The following NPAS3 variants were observed in gnomAD, a reference collection of about 807,000 sequenced individuals.
NPAS3 encodes neuronal PAS domain protein 3.
In NPAS3, 14 loss-of-function variants were observed where a neutral mutation model predicts 73.1. The observed-to-expected ratio is 0.19, with a 90% CI of 0.13 to 0.30. NPAS3 has a LOEUF of 0.30. NPAS3 is among the 10% of genes least tolerant of loss of function. The pLI, the probability that NPAS3 is intolerant of heterozygous loss-of-function variation, is 1.00. For synonymous variants in NPAS3, 620 were observed against 541.5 expected, an observed-to-expected ratio of 1.14 and a Z score of -2.01; for missense variants, 1,096 against 1,250.0, an observed-to-expected ratio of 0.88 and a Z score of 1.86.
chr14:33,362,010 T>C (rs1426802395), intron 3 of NPAS3, among the ~76,000 whole-genome samples: 1 of 152,214 alleles, frequency 6.6e-6, no homozygotes, highest in Non-Finnish European at 1.5e-5. Context: ...TTCATATATA[T>C]ATTTCATGTA....
chr14:33,012,730 A>G (rs1216369029), intron 1 of NPAS3, among the ~76,000 whole-genome samples: 1 of 152,034 alleles, frequency 6.6e-6, no homozygotes, highest in African/African-American at 2.4e-5. Context: ...TTGTATTTTT[A>G]GTAGAGACGG....
intron 3 of NPAS3, among the ~76,000 whole-genome samples, chr14:33,281,891 A>G (rs984118275): frequency 6.6e-6 from 1 of 152,232 alleles, no homozygotes; most frequent in Non-Finnish European, 1.5e-5. Flanking sequence ...TACAGAATAT[A>G]TGAACAAGAG....
chr14:33,465,945 AAC>A (rs1361827126), intron 4 of NPAS3, among the ~76,000 whole-genome samples: 32 of 152,298 alleles, frequency 2.1e-4, no homozygotes, highest in African/African-American at 7.2e-4. Flanking sequence ...TAAGCAAATT[AAC>A]AGTTTTGAGA....
At chr14:33,573,478 A>C (rs1229003778) in intron 5 of NPAS3, among the ~76,000 whole-genome samples, 1 of 152,238 alleles carries the variant, frequency 6.6e-6, no homozygotes, top group Non-Finnish European at 1.5e-5. Flanking sequence ...TAGAATGTGG[A>C]TGACTAACTC....
chr14:33,172,087 A>C lies in NPAS3; in HGVS notation c.141-43095A>C, dbSNP rs117166791. Among the ~76,000 whole-genome samples, 1,067 of 152,302 alleles carry C rather than the reference A, an allele frequency of 7.0e-3. 4 individuals carry two copies. Among genetic ancestry groups the C allele is most frequent in the Non-Finnish European group, 0.011 (781 of 68,022 alleles). ...TTGTGTACCCCCAAACAAATGTAAC[A>C]GTGACATCAAAGATCACTGATCACC... On this transcript the variant is annotated intron_variant, in intron 2 of 11. Coordinates refer to ENST00000356141, the Ensembl canonical transcript of NPAS3.
At chr14:33,156,196 C>T (rs1371197991) in intron 2 of NPAS3, among the ~76,000 whole-genome samples, 3 of 152,148 alleles carry the variant, frequency 2.0e-5, no homozygotes, top group African/African-American at 4.8e-5. Context: ...CAAATGAATA[C>T]TCCTTTATTT....
intron 2 of NPAS3, among the ~76,000 whole-genome samples, chr14:33,108,971 T>C (rs1345827770): frequency 2.0e-5 from 3 of 152,234 alleles, no homozygotes; most frequent in Non-Finnish European, 4.4e-5. Flanking sequence ...AAACTTATAC[T>C]GTTTTTTATG....
chr14:33,745,828 A>C (rs1013246435), intron 7 of NPAS3, among the ~76,000 whole-genome samples: 3 of 152,262 alleles, frequency 2.0e-5, no homozygotes, highest in African/African-American at 7.2e-5. Flanking sequence ...TAAGGGACAA[A>C]ATATGACTGA....
intron 2 of NPAS3, among the ~76,000 whole-genome samples, chr14:33,164,159 C>G (rs1044839504): frequency 3.9e-5 from 6 of 152,176 alleles, no homozygotes; most frequent in African/African-American, 1.4e-4. Flanking sequence ...TCTTTTAAAG[C>G]AGACAATCTT....
chr14:33,448,085 G>A (rs1161130240), intron 4 of NPAS3, among the ~76,000 whole-genome samples: 1 of 152,144 alleles, frequency 6.6e-6, no homozygotes, highest in Non-Finnish European at 1.5e-5. Context: ...TGTAGGAGGA[G>A]GGATGGAGAA....
chr14:33,598,440 T>G (rs1045903048), intron 5 of NPAS3, among the ~76,000 whole-genome samples: 2 of 152,230 alleles, frequency 1.3e-5, no homozygotes, highest in African/African-American at 4.8e-5. Flanking sequence ...ATCATTCTAT[T>G]TTCATCTGAT....
At chr14:33,724,354 C>T (rs1487729198) in intron 6 of NPAS3, among the ~76,000 whole-genome samples, 1 of 152,098 alleles carries the variant, frequency 6.6e-6, no homozygotes. Flanking sequence ...ATGCCAATTG[C>T]CAGGTGCAGC....
intron 2 of NPAS3, among the ~76,000 whole-genome samples, chr14:33,171,097 G>C (rs887179021): frequency 2.6e-5 from 4 of 152,212 alleles, no homozygotes; most frequent in Admixed American, 2.0e-4. Flanking sequence ...CAGAATGGAT[G>C]CTGTGTTAGC....
chr14:33,668,178 A>G (rs2059508581), intron 5 of NPAS3, among the ~76,000 whole-genome samples: 1 of 152,124 alleles, frequency 6.6e-6, no homozygotes, highest in Non-Finnish European at 1.5e-5. Context: ...TCTTTGTTAA[A>G]TCTTTCTGGT....
At chr14:32,949,486 T>G (rs1040962169) in intron 1 of NPAS3, among the ~76,000 whole-genome samples, 1 of 152,184 alleles carries the variant, frequency 6.6e-6, no homozygotes, top group African/African-American at 2.4e-5. Context: ...AATGAAATAC[T>G]TATTGCTCTG....
At chr14:33,150,406 A>G (rs2044404239) in intron 2 of NPAS3, among the ~76,000 whole-genome samples, 1 of 152,228 alleles carries the variant, frequency 6.6e-6, no homozygotes, top group Non-Finnish European at 1.5e-5. Flanking sequence ...GTGCATCAGC[A>G]ATAAATTGGT....
intron 7 of NPAS3, among the ~76,000 whole-genome samples, chr14:33,761,761 G>A (rs759508592): frequency 6.6e-6 from 1 of 152,210 alleles, no homozygotes; most frequent in Middle Eastern, 3.4e-3. Flanking sequence ...TTGTTCTTAC[G>A]TTCGAGGGAA....
At chr14:33,034,932 A>T (rs1281477222) in intron 1 of NPAS3, among the ~76,000 whole-genome samples, 1 of 152,170 alleles carries the variant, frequency 6.6e-6, no homozygotes, top group Non-Finnish European at 1.5e-5. Context: ...AAGACAACTT[A>T]TTATTTTCTT....
At chr14:33,098,018 T>TTA (rs2042473568) in intron 2 of NPAS3, among the ~76,000 whole-genome samples, 1 of 152,186 alleles carries the variant, frequency 6.6e-6, no homozygotes, top group Admixed American at 6.5e-5. Context: ...ATAGTGCAAT[T>TTA]TATATATATT....
Sources: allele counts gnomAD v4.1 joint callset (sites outside exome capture counted in the v4.1 genomes callset), GRCh38; gene constraint gnomAD v4.1.1; transcripts MANE v1.5; gene names NCBI Gene and HGNC (gene_info 2026-07-23, HGNC 2026-07-21).